ZRANB3: variants seen among roughly 807,000 people sequenced by gnomAD.
ZRANB3 encodes the protein zinc finger RANBP2-type containing 3, also known as DNA annealing helicase and endonuclease ZRANB3.
A neutral mutation model predicts 133.8 loss-of-function variants in ZRANB3; 125 were observed. The ratio of observed to expected loss-of-function variants is 0.93; its 90% CI spans 0.81 to 1.08. The LOEUF is 1.08. ZRANB3 is among the 50% of genes least tolerant of loss of function. The probability of loss-of-function intolerance (pLI) is 0.00; values close to 1 mark genes in which losing one functional copy is unlikely to be tolerated. For synonymous variants in ZRANB3, 387 were observed against 432.7 expected (o/e 0.89, Z 1.31); for missense variants, 1,229 against 1,275.5 (o/e 0.96, Z 0.56).
chr2:135,269,226 C>A (rs1680397219), intron 10 of ZRANB3, 85 bp from the exon 11 acceptor site: 2 of 1,124,006 alleles, frequency 1.8e-6, no homozygotes, highest in Middle Eastern at 2.5e-4. Flanking sequence ...AAATGGAGAA[C>A]ACTGAAGGAC....
Position 135,437,108 on chromosome 2 carries a change from C to T in ZRANB3, c.162-46288G>A, listed in dbSNP as rs1452205137. On this transcript the variant is annotated intron_variant, in intron 2 of 20. Transcript: ENST00000264159. ...CTAAGTAGCTGGGATTACAGGTGCC[C>T]GCCACCATGCCCAGCTAATTTTTGT... is the stretch of plus-strand genomic sequence containing the variant. 2.6e-5 allele frequency among the ~76,000 whole-genome samples: 4 copies of T among 152,072 alleles called. 1 individual carries two copies. Among genetic ancestry groups the T allele is most frequent in the Admixed American group, 2.0e-4 (3 of 15,268 alleles).
intron 3 of ZRANB3, among the ~76,000 whole-genome samples, chr2:135,363,480 TG>T (rs1685783912): frequency 6.6e-6 from 1 of 152,266 alleles, no homozygotes; most frequent in Non-Finnish European, 1.5e-5. Flanking sequence ...CCATAATTTT[TG>T]TACGTTTTAA....
At chr2:135,219,484 G>A (rs1296268578) in intron 15 of ZRANB3, among the ~76,000 whole-genome samples, 1 of 152,128 alleles carries the variant, frequency 6.6e-6, no homozygotes, top group Non-Finnish European at 1.5e-5. Flanking sequence ...ACTAATCTTG[G>A]AAAGATGTAT....
intron 1 of ZRANB3, among the ~76,000 whole-genome samples, chr2:135,519,176 T>C (rs533802803): frequency 9.3e-4 from 142 of 152,292 alleles, no homozygotes; most frequent in African/African-American, 3.0e-3. Context: ...CCTCCTGGGA[T>C]GGAAATGTTC....
chr2:135,505,699 T>A (rs1182508962), intron 1 of ZRANB3, among the ~76,000 whole-genome samples: 1 of 152,164 alleles, frequency 6.6e-6, no homozygotes, highest in African/African-American at 2.4e-5. Context: ...ACAAAGCAAG[T>A]ATTTATTTAT....
At chr2:135,220,460 G>C (rs1336591306) in intron 15 of ZRANB3, among the ~76,000 whole-genome samples, 2 of 151,946 alleles carry the variant, frequency 1.3e-5, no homozygotes, top group Non-Finnish European at 2.9e-5. Context: ...AGCACTTTGG[G>C]AGGCCGAGGC....
chr2:135,252,449 T>C (rs1254294374), intron 12 of ZRANB3, among the ~76,000 whole-genome samples: 2 of 152,206 alleles, frequency 1.3e-5, no homozygotes, highest in Non-Finnish European at 2.9e-5. Flanking sequence ...TGGCTGTCTC[T>C]TCCAATAAGG....
At chr2:135,292,214 A>G in intron 8 of ZRANB3, among the ~76,000 whole-genome samples, 1 of 152,210 alleles carries the variant, frequency 6.6e-6, no homozygotes, top group East Asian at 1.9e-4. Flanking sequence ...TCCCACCAAC[A>G]GTGTAAAAGT....
intron 12 of ZRANB3, among the ~76,000 whole-genome samples, chr2:135,246,064 A>C (rs1404708232): frequency 7.6e-5 from 9 of 119,096 alleles, no homozygotes; most frequent in Non-Finnish European, 1.3e-4. Context: ...TTTGAGACAG[A>C]GTCTTGCTCT....
chr2:135,462,728 G>T (rs1377437671), intron 2 of ZRANB3, among the ~76,000 whole-genome samples: 1 of 151,704 alleles, frequency 6.6e-6, no homozygotes, highest in Non-Finnish European at 1.5e-5. Context: ...TACCAGCTGG[G>T]ATTACAGGTG....
At chr2:135,361,589 T>C (rs115173097) in intron 3 of ZRANB3, among the ~76,000 whole-genome samples, 1 of 152,196 alleles carries the variant, frequency 6.6e-6, no homozygotes, top group Non-Finnish European at 1.5e-5. Flanking sequence ...CTAAAAACTT[T>C]TCCGGTTTTA....
intron 6 of ZRANB3, among the ~76,000 whole-genome samples, chr2:135,341,150 G>A (rs967387479): frequency 6.7e-6 from 1 of 149,584 alleles, no homozygotes; most frequent in African/African-American, 2.6e-5. Context: ...CCTCAGAGTA[G>A]CTGGGACTAC....
chr2:135,523,337 TC>T (rs1272621137), intron 1 of ZRANB3, among the ~76,000 whole-genome samples: 3 of 152,158 alleles, frequency 2.0e-5, no homozygotes, highest in African/African-American at 7.2e-5. Context: ...GCACAACAGC[TC>T]CCAACTGGAC....
At chr2:135,351,910 A>G (rs1685225575) in intron 4 of ZRANB3, among the ~76,000 whole-genome samples, 1 of 152,238 alleles carries the variant, frequency 6.6e-6, no homozygotes, top group African/African-American at 2.4e-5. Context: ...ATACTATTCA[A>G]ATAAAAATAT....
At chr2:135,473,044 G>C (rs1419999698) in intron 2 of ZRANB3, among the ~76,000 whole-genome samples, 1 of 152,098 alleles carries the variant, frequency 6.6e-6, no homozygotes, top group Non-Finnish European at 1.5e-5. Context: ...TAAATATACA[G>C]TCAAATGGCA....
chr2:135,483,108 G>T (rs936688507), intron 2 of ZRANB3, among the ~76,000 whole-genome samples: 1 of 152,052 alleles, frequency 6.6e-6, no homozygotes, highest in Non-Finnish European at 1.5e-5. Context: ...CCCAGCTTTG[G>T]TATCAGAATG....
At chr2:135,497,797 C>A (rs1692744930) in intron 2 of ZRANB3, among the ~76,000 whole-genome samples, 1 of 152,060 alleles carries the variant, frequency 6.6e-6, no homozygotes, top group South Asian at 2.1e-4. Flanking sequence ...TCACACTTAT[C>A]ATCCCAGTAC....
At chr2:135,409,086 G>A (rs1688183261) in intron 2 of ZRANB3, among the ~76,000 whole-genome samples, 1 of 152,128 alleles carries the variant, frequency 6.6e-6, no homozygotes. Context: ...TCTGCTTCTG[G>A]TGAGGGCCAC....
intron 2 of ZRANB3, among the ~76,000 whole-genome samples, chr2:135,408,703 T>C (rs911631089): frequency 6.6e-6 from 1 of 152,084 alleles, no homozygotes; most frequent in African/African-American, 2.4e-5. Context: ...GAAACCATCA[T>C]TCTCAGCAAA....
Sources: allele counts gnomAD v4.1 joint callset (sites outside exome capture counted in the v4.1 genomes callset), GRCh38; gene constraint gnomAD v4.1.1; transcripts MANE v1.5; gene names NCBI Gene and HGNC (gene_info 2026-07-23, HGNC 2026-07-21).